The following WWOX variants were observed in gnomAD, a reference collection of about 807,000 sequenced individuals.
WWOX encodes the protein WW domain containing oxidoreductase.
Under a neutral mutation model 46.2 loss-of-function variants are expected in WWOX, and 69 were observed. That is an observed-to-expected ratio of 1.49 (90% CI 1.23 to 1.82). The LOEUF is 1.82. Ranked by LOEUF, WWOX falls within the 40% of genes most tolerant of loss-of-function variation. The probability of loss-of-function intolerance (pLI) is 0.00; values close to 1 mark genes in which losing one functional copy is unlikely to be tolerated. For synonymous variants in WWOX, 359 were observed against 202.6 expected, an observed-to-expected ratio of 1.77 and a Z score of -6.56; for missense variants, 919 against 542.6, an observed-to-expected ratio of 1.69 and a Z score of -6.89.
intron 5 of WWOX, among the ~76,000 whole-genome samples, chr16:78,375,914 T>A (rs1280511589): frequency 6.7e-6 from 1 of 150,094 alleles, no homozygotes; most frequent in Non-Finnish European, 1.5e-5. Context: ...TGCAGTGGCA[T>A]GATGTTGGCT....
At chr16:78,598,626 A>G (rs1189222999) in intron 8 of WWOX, among the ~76,000 whole-genome samples, 1 of 152,150 alleles carries the variant, frequency 6.6e-6, no homozygotes, top group Non-Finnish European at 1.5e-5. Context: ...GGCATTTGGC[A>G]GGCAAACGTT....
intron 8 of WWOX, among the ~76,000 whole-genome samples, chr16:78,733,881 C>A: frequency 6.6e-6 from 1 of 152,164 alleles, no homozygotes; most frequent in East Asian, 1.9e-4. Context: ...ACCTGGACAA[C>A]GTACAGAGAC....
chr16:78,743,211 C>T (rs775415261), intron 8 of WWOX, among the ~76,000 whole-genome samples: 11 of 152,188 alleles, frequency 7.2e-5, no homozygotes, highest in Non-Finnish European at 1.2e-4. Flanking sequence ...TCTTTCTGCA[C>T]TGGAGAGCAA....
chr16:78,659,241 A>G (rs1207577096), intron 8 of WWOX, among the ~76,000 whole-genome samples: 3 of 152,178 alleles, frequency 2.0e-5, no homozygotes, highest in Admixed American at 1.3e-4. Context: ...GACAGATTCA[A>G]TAACTACGTG....
intron 8 of WWOX, among the ~76,000 whole-genome samples, chr16:79,033,572 C>T (rs1401256868): frequency 6.6e-6 from 1 of 152,112 alleles, no homozygotes; most frequent in African/African-American, 2.4e-5. Context: ...CCTTTATCAA[C>T]ATCATGTTAA....
intron 8 of WWOX, among the ~76,000 whole-genome samples, chr16:78,738,157 G>C (rs143578388): frequency 4.6e-5 from 7 of 152,236 alleles, no homozygotes; most frequent in African/African-American, 1.7e-4. Context: ...TTAAGCCCTT[G>C]TGTGTGTCCG....
chr16:78,159,667 C>G lies in WWOX; in HGVS notation c.410-4516C>G, dbSNP rs1365500512. Among the ~76,000 whole-genome samples, 10 of 74,502 alleles carry G rather than the reference C, an allele frequency of 1.3e-4. 1 individual carries two copies. The highest frequency in any genetic ancestry group is 5.3e-4 in the African/African-American group (10 of 18,906). 48.9% of individuals were successfully genotyped at this position (74,502 alleles called of 152,430 possible). The stretch of plus-strand genomic sequence containing the variant: ...TGGTTCCTTTGCTTGTTTTTAAAAT[C>G]TGTGGTTTTTTTTTTTTTTTTTTTT... On this transcript the variant is annotated intron_variant, in intron 4 of 8. Transcript: ENST00000566780.
At chr16:78,422,768 T>TACACACATATATATATAC (rs2082972766) in intron 6 of WWOX, among the ~76,000 whole-genome samples, 11 of 120,812 alleles carry the variant, frequency 9.1e-5, no homozygotes, top group African/African-American at 4.8e-4. Flanking sequence ...CACATATATA[T>TACACACATATATATATAC]ACACACATAT....
chr16:78,692,502 G>C (rs896830308), intron 8 of WWOX, among the ~76,000 whole-genome samples: 1 of 152,184 alleles, frequency 6.6e-6, no homozygotes, highest in South Asian at 2.1e-4. Flanking sequence ...TGTTCATTAA[G>C]AATGCCTGCC....
intron 8 of WWOX, among the ~76,000 whole-genome samples, chr16:78,602,897 G>C (rs893758758): frequency 6.6e-6 from 1 of 152,090 alleles, no homozygotes; most frequent in African/African-American, 2.4e-5. Flanking sequence ...TTGAATCTCC[G>C]CTCTGTCTTC....
intron 8 of WWOX, among the ~76,000 whole-genome samples, chr16:78,503,469 T>G (rs1206168938): frequency 6.6e-6 from 1 of 152,124 alleles, no homozygotes; most frequent in Non-Finnish European, 1.5e-5. Flanking sequence ...AATTTTTTTT[T>G]GATCAAGGTG....
rs1024945271 is a variant in WWOX at position 78,778,791 on chromosome 16, C to A, written c.1056+346039C>A. On this transcript the variant is annotated intron_variant, in intron 8 of 8. Coordinates refer to ENST00000566780, the MANE Select transcript of WWOX (RefSeq NM_016373.4). ...CGCCGTCCCCAACCCTGAGCCATTT[C>A]TGTCCTTTTCATGGAAAGGGAACTG... is the stretch of plus-strand genomic sequence containing the variant. 2.0e-5 allele frequency among the ~76,000 whole-genome samples: 3 copies of A among 152,198 alleles called. No homozygotes were observed. In the East Asian group the frequency reaches 5.8e-4, roughly 29 times the overall value.
chr16:79,025,892 G>T (rs139405001), intron 8 of WWOX, among the ~76,000 whole-genome samples: 9 of 142,248 alleles, frequency 6.3e-5, no homozygotes, highest in African/African-American at 2.2e-4. Flanking sequence ...TCCGCCTCCT[G>T]GGTTCAAGTG....
chr16:79,059,389 G>T (rs1215280580), intron 8 of WWOX, among the ~76,000 whole-genome samples: 2 of 152,192 alleles, frequency 1.3e-5, no homozygotes, highest in African/African-American at 2.4e-5. Flanking sequence ...ACCAATATGG[G>T]TGTGATCTTG....
chr16:78,294,920 C>A (rs1017402458), intron 5 of WWOX, among the ~76,000 whole-genome samples: 2 of 152,166 alleles, frequency 1.3e-5, no homozygotes, highest in African/African-American at 4.8e-5. Context: ...GAACAAGATT[C>A]GGCCCCAAGG....
chr16:78,145,750 T>C (rs376014948), intron 4 of WWOX, among the ~76,000 whole-genome samples: 7 of 152,190 alleles, frequency 4.6e-5, no homozygotes, highest in Admixed American at 1.3e-4. Context: ...CACCGTGTGC[T>C]GTGTCCAGAT....
At chr16:78,816,482 C>A (rs2051332387) in intron 8 of WWOX, among the ~76,000 whole-genome samples, 1 of 140,358 alleles carries the variant, frequency 7.1e-6, no homozygotes, top group Non-Finnish European at 1.5e-5. Flanking sequence ...CTGAAATCTA[C>A]CAGACAAGAA....
At chr16:79,121,979 C>G (rs1028172595) in intron 8 of WWOX, among the ~76,000 whole-genome samples, 13 of 152,060 alleles carry the variant, frequency 8.5e-5, no homozygotes, top group Admixed American at 2.6e-4. Flanking sequence ...TTTAATATAG[C>G]GTCAGGCTCC....
chr16:79,026,428 C>G (rs888600923), intron 8 of WWOX, among the ~76,000 whole-genome samples: 2 of 151,582 alleles, frequency 1.3e-5, no homozygotes, highest in East Asian at 3.9e-4. Context: ...TTGCTGTGGA[C>G]TCTCTGGGAA....
Sources: allele counts gnomAD v4.1 joint callset (sites outside exome capture counted in the v4.1 genomes callset), GRCh38; gene constraint gnomAD v4.1.1; transcripts MANE v1.5; gene names NCBI Gene and HGNC (gene_info 2026-07-23, HGNC 2026-07-21).